Variants in HECW2 observed in about 807,000 individuals in gnomAD.
HECW2 encodes HECT, C2 and WW domain containing E3 ubiquitin protein ligase 2, also known as E3 ubiquitin-protein ligase HECW2.
Under a neutral mutation model 175.2 loss-of-function variants are expected in HECW2, and 61 were observed. The observed-to-expected ratio is 0.35, with a 90% CI of 0.28 to 0.43. The LOEUF (loss-of-function observed/expected upper bound fraction) is 0.43, where lower values mean the gene tolerates loss of function less well. HECW2 is among the 20% of genes least tolerant of loss of function. The pLI, the probability that HECW2 is intolerant of heterozygous loss-of-function variation, is 1.00. For missense variants in HECW2, 1,524 were observed against 2,000.5 expected, an observed-to-expected ratio of 0.76 and a Z score of 4.54; for synonymous variants, 671 against 731.0, an observed-to-expected ratio of 0.92 and a Z score of 1.32.
intron 1 of HECW2, among the ~76,000 whole-genome samples, chr2:196,571,590 T>A (rs1158210246): frequency 6.6e-6 from 1 of 151,846 alleles, no homozygotes; most frequent in African/African-American, 2.4e-5. Context: ...TTACCTGTAA[T>A]CCCACCTACT....
intron 1 of HECW2, among the ~76,000 whole-genome samples, chr2:196,539,743 G>C (rs1254108089): frequency 1.3e-5 from 2 of 152,194 alleles, no homozygotes; most frequent in Non-Finnish European, 2.9e-5. Context: ...CCTCAATCAA[G>C]TAAGTATTTT....
chr2:196,311,935 T>C (rs890613874), intron 10 of HECW2, among the ~76,000 whole-genome samples: 2 of 152,118 alleles, frequency 1.3e-5, no homozygotes, highest in African/African-American at 4.8e-5. Flanking sequence ...GTCGGAGAAT[T>C]AGAAAGTGGG....
chr2:196,296,532 G>A (rs1344232006), intron 13 of HECW2, among the ~76,000 whole-genome samples: 1 of 152,184 alleles, frequency 6.6e-6, no homozygotes, highest in Non-Finnish European at 1.5e-5. Flanking sequence ...GAAGATCCTG[G>A]CCCAGCATCC....
intron 16 of HECW2, among the ~76,000 whole-genome samples, chr2:196,271,713 T>C (rs1399716702): frequency 6.6e-6 from 1 of 152,200 alleles, no homozygotes; most frequent in African/African-American, 2.4e-5. Flanking sequence ...AAGACCAGCC[T>C]GGGCAACATA....
intron 9 of HECW2, 70 bp downstream of exon 9, chr2:196,318,482 G>A (rs1256462444): frequency 3.6e-5 from 49 of 1,375,692 alleles, no homozygotes; most frequent in Non-Finnish European, 4.4e-5. Context: ...TACATTGAGG[G>A]GAAAACTACA....
At chr2:196,242,663 C>T (rs1479686462) in intron 19 of HECW2, 1 of 149,034 alleles carries the variant, frequency 6.7e-6, no homozygotes, top group Non-Finnish European at 1.5e-5. Flanking sequence ...AATTCCTCAC[C>T]AAAAAACTCC....
At chr2:196,488,647 C>T (rs577233003) in intron 1 of HECW2, among the ~76,000 whole-genome samples, 1 of 149,090 alleles carries the variant, frequency 6.7e-6, no homozygotes, top group East Asian at 1.9e-4. Flanking sequence ...CACACACACA[C>T]ACACACACCC....
intron 1 of HECW2, among the ~76,000 whole-genome samples, chr2:196,488,149 G>T (rs1451111704): frequency 6.6e-6 from 1 of 152,180 alleles, no homozygotes; most frequent in Non-Finnish European, 1.5e-5. Context: ...AAGCATAGAA[G>T]TCAGCTTGCT....
chr2:196,254,179 C>T, intron 18 of HECW2, 150 bp from the exon 19 acceptor site: 3 of 1,305,790 alleles, frequency 2.3e-6, no homozygotes, highest in Non-Finnish European at 2.0e-6. Context: ...ATTCTTGGTA[C>T]AAAATGGCTG....
chr2:196,503,988 C>T (rs1687662122), intron 1 of HECW2, among the ~76,000 whole-genome samples: 1 of 152,036 alleles, frequency 6.6e-6, no homozygotes, highest in African/African-American at 2.4e-5. Flanking sequence ...CATCCAACGC[C>T]GACTTCATTA....
chr2:196,202,675 A>T (rs1021074092), intron 28 of HECW2, among the ~76,000 whole-genome samples: 5 of 152,186 alleles, frequency 3.3e-5, no homozygotes, highest in African/African-American at 7.2e-5. Context: ...AATAGTAATG[A>T]CCCATGAGAA....
At chr2:196,275,075 G>T (rs1217256057) in intron 15 of HECW2, among the ~76,000 whole-genome samples, 2 of 152,108 alleles carry the variant, frequency 1.3e-5, no homozygotes, top group African/African-American at 4.8e-5. Flanking sequence ...TTTTTCTAAA[G>T]ACTCTAATGC....
At chr2:196,375,429 C>T (rs1694025687) in intron 2 of HECW2, among the ~76,000 whole-genome samples, 3 of 152,326 alleles carry the variant, frequency 2.0e-5, no homozygotes, top group South Asian at 4.1e-4. Context: ...TTCATGATCA[C>T]AGATATTTCC....
chr2:196,433,402 G>C lies in HECW2; in HGVS notation c.22C>G (p.His8Asp). MASSARE[H>D]LLFVRRRNPQ... is the part of the protein sequence containing the mutation. ...TTTCGACGCCTCACAAAAAGCAGGT[G>C]CTCCCGGGCTGAACTAGCCATCCCG... The change falls in exon 2 of 29, where the codon CAC (histidine) becomes GAC (aspartate). Residue 8 changes from histidine to aspartate, a missense_variant. Around this residue, in one of 11 missense-constraint regions of HECW2, gnomAD observed 135 missense variants for 214.6 expected, o/e 0.63. Coordinates refer to ENST00000644978, the MANE Select transcript of HECW2 (RefSeq NM_001348768.2). The C allele has an allele frequency of 6.2e-7, 1 of 1,613,806 alleles. No homozygotes were observed. The highest frequency in any genetic ancestry group is 8.5e-7 in the Non-Finnish European group (1 of 1,179,840).
At chr2:196,282,177 C>T (rs114457301) in intron 14 of HECW2, among the ~76,000 whole-genome samples, 2,851 of 152,102 alleles carry the variant, frequency 0.019, 37 homozygotes, top group Non-Finnish European at 0.027. Context: ...TATGTGTGGC[C>T]GAGACTAAGT....
At chr2:196,337,087 T>C (rs1027186574) in intron 3 of HECW2, among the ~76,000 whole-genome samples, 2 of 152,224 alleles carry the variant, frequency 1.3e-5, no homozygotes, top group African/African-American at 4.8e-5. Flanking sequence ...TCTTTAAATG[T>C]TATTTAATGT....
intron 6 of HECW2, among the ~76,000 whole-genome samples, chr2:196,323,797 T>C (rs1336982106): frequency 6.6e-5 from 10 of 152,194 alleles, no homozygotes; most frequent in Non-Finnish European, 1.2e-4. Flanking sequence ...ACTGCTTGTT[T>C]CATTATCATA....
intron 9 of HECW2, among the ~76,000 whole-genome samples, chr2:196,318,225 A>G (rs1198745989): frequency 3.3e-5 from 5 of 152,168 alleles, no homozygotes; most frequent in Non-Finnish European, 7.3e-5. Context: ...TTTTTAAAAG[A>G]GCACTGAATT....
chr2:196,233,617 C>G lies in HECW2; in HGVS notation c.3765-5363G>C, dbSNP rs181347867. 9.4e-4 allele frequency among the ~76,000 whole-genome samples: 143 copies of G among 152,244 alleles called. 1 individual carries two copies. The highest frequency in any genetic ancestry group is 2.1e-4 in the South Asian group (1 of 4,824). Reference sequence around the variant, plus strand: ...TAGTTCTTGAGCCAATTAAGAAAGCCTGGTAGGTGAGTAAGGTATTTTGAT... The same window carrying G: ...TAGTTCTTGAGCCAATTAAGAAAGCGTGGTAGGTGAGTAAGGTATTTTGAT... On this transcript the variant is annotated intron_variant, in intron 21 of 28. Transcript: ENST00000644978.
Sources: allele counts gnomAD v4.1 joint callset (sites outside exome capture counted in the v4.1 genomes callset), GRCh38; gene constraint gnomAD v4.1.1; regional missense constraint gnomAD v4.1.1; transcripts MANE v1.5; gene names NCBI Gene and HGNC (gene_info 2026-07-23, HGNC 2026-07-21).